Variants in FRMD4B observed in about 807,000 individuals in gnomAD.
The protein encoded by FRMD4B is FERM domain-containing protein 4B.
FRMD4B carries 74 observed loss-of-function variants against 141.5 expected under a neutral mutation model. That is an observed-to-expected ratio of 0.52 (90% CI 0.43 to 0.63). The LOEUF (loss-of-function observed/expected upper bound fraction) is 0.63. FRMD4B is among the 30% of genes least tolerant of loss of function. The pLI is 0.00. For missense variants in FRMD4B, 1,366 were observed against 1,253.4 expected (o/e 1.09, Z -1.36); for synonymous variants, 506 against 467.9 (o/e 1.08, Z -1.05).
intron 1 of FRMD4B, among the ~76,000 whole-genome samples, chr3:69,445,813 C>T (rs541226084): frequency 1.3e-5 from 2 of 152,122 alleles, no homozygotes; most frequent in South Asian, 4.1e-4. Context: ...TATTAAGCTA[C>T]GTTTGTGTTA....
intron 2 of FRMD4B, among the ~76,000 whole-genome samples, chr3:69,424,351 T>C (rs909545736): frequency 6.6e-6 from 1 of 152,168 alleles, no homozygotes; most frequent in Non-Finnish European, 1.5e-5. Flanking sequence ...TGGAGTGCAG[T>C]GGTGTGATCA....
intron 22 of FRMD4B, among the ~76,000 whole-genome samples, chr3:69,176,274 T>G (rs2092645045): frequency 1.3e-5 from 2 of 152,216 alleles, no homozygotes; most frequent in Non-Finnish European, 2.9e-5. Context: ...GGCCAGATAT[T>G]TTTGGCTTTG....
At chr3:69,389,699 C>T (rs1250708425), upstream of FRMD4B, among the ~76,000 whole-genome samples, 1 of 152,156 alleles carries the variant, frequency 6.6e-6, no homozygotes, top group Non-Finnish European at 1.5e-5. Context: ...ACAACTTCCT[C>T]CACTCCAGGG....
At chr3:69,356,963 T>C (rs1703341994) in intron 1 of FRMD4B, among the ~76,000 whole-genome samples, 1 of 152,208 alleles carries the variant, frequency 6.6e-6, no homozygotes, top group African/African-American at 2.4e-5. Context: ...CAAAACTTTA[T>C]TTGCAAACAA....
chr3:69,202,919 C>A (rs4378970), intron 11 of FRMD4B, among the ~76,000 whole-genome samples: 15,518 of 151,722 alleles, frequency 0.1, 1,009 homozygotes, highest in East Asian at 0.35. Flanking sequence ...CAAGAAATTA[C>A]AACAGGAGGA....
intron 2 of FRMD4B, among the ~76,000 whole-genome samples, chr3:69,414,893 T>G (rs1704827280): frequency 8.1e-6 from 1 of 123,548 alleles, no homozygotes. Flanking sequence ...TGAGATGGAG[T>G]CTCGCTCTGT....
At chr3:69,535,802 C>G (rs892416510) in intron 1 of FRMD4B, 4 of 473,774 alleles carry the variant, frequency 8.4e-6, no homozygotes, top group African/African-American at 8.0e-5. Flanking sequence ...GCAGGAGAAG[C>G]AGCCTTGGTG....
chr3:69,302,252 C>T, intron 4 of FRMD4B, 91 bp downstream of exon 4: 1 of 716,958 alleles, frequency 1.4e-6, no homozygotes, highest in South Asian at 1.6e-5. Context: ...CTCTAATCAC[C>T]AGAAATGTAA....
chr3:69,290,180 G>A (rs139176889), intron 4 of FRMD4B, among the ~76,000 whole-genome samples: 136 of 152,302 alleles, frequency 8.9e-4, no homozygotes, highest in African/African-American at 3.0e-3. Context: ...GATGTCAGGC[G>A]GTGAGGTGGC....
intron 4 of FRMD4B, 31 bp downstream of exon 4, chr3:69,302,312 A>AG: frequency 9.5e-7 from 1 of 1,049,378 alleles, no homozygotes; most frequent in Admixed American, 2.3e-5. Context: ...GCAAAAAAAG[A>AG]GGGATGCTAA....
In FRMD4B at chr3:69,464,779, GA is replaced by G. The variant is rs1397495013; in HGVS notation, c.-128-32019del. On this transcript the variant is annotated intron_variant, in intron 1 of 5. Transcript: ENST00000459638. ...GTCTTCAGAAAACAAAATTGAACCT[GA>G]ATCTTAACAACTATCTCGATCCAAC... Among the ~76,000 whole-genome samples the G allele has an allele frequency of 2.0e-5, 3 of 152,086 alleles. No homozygotes were observed. In the East Asian group the frequency reaches 5.8e-4, roughly 29 times the overall value.
chr3:69,538,835 A>G (rs1182119621), intron 1 of FRMD4B, among the ~76,000 whole-genome samples: 1 of 152,222 alleles, frequency 6.6e-6, no homozygotes, highest in Non-Finnish European at 1.5e-5. Flanking sequence ...AGAAAAAAAA[A>G]TCTTACTGAC....
chr3:69,195,824 A>G (rs935432074), intron 14 of FRMD4B, among the ~76,000 whole-genome samples: 6 of 152,200 alleles, frequency 3.9e-5, no homozygotes, highest in African/African-American at 1.4e-4. Flanking sequence ...AGTTACATAT[A>G]CTTAATGATA....
At chr3:69,324,977 G>T (rs1292918844) in intron 1 of FRMD4B, among the ~76,000 whole-genome samples, 2 of 151,738 alleles carry the variant, frequency 1.3e-5, no homozygotes, top group Admixed American at 6.6e-5. Context: ...TACTTGAGAG[G>T]CTGAGGCAGG....
chr3:69,506,656 C>T (rs1706601876), intron 1 of FRMD4B, among the ~76,000 whole-genome samples: 1 of 152,044 alleles, frequency 6.6e-6, no homozygotes, highest in Non-Finnish European at 1.5e-5. Context: ...CTGCCTCAGC[C>T]TCCTGAGTCT....
intron 11 of FRMD4B, 84 bp from the exon 12 acceptor site, chr3:69,198,858 T>C (rs941050235): frequency 6.3e-5 from 46 of 730,690 alleles, no homozygotes; most frequent in Middle Eastern, 3.1e-4. Flanking sequence ...CAAACAATTA[T>C]AAGCTCCAAG....
chr3:69,354,337 T>G (rs73835804), intron 1 of FRMD4B, among the ~76,000 whole-genome samples: 22 of 152,226 alleles, frequency 1.4e-4, no homozygotes, highest in Middle Eastern at 3.4e-3. Flanking sequence ...AAATAATAAA[T>G]TTACTTTTTT....
At chr3:69,478,085 TC>T (rs1412931295) in intron 1 of FRMD4B, among the ~76,000 whole-genome samples, 4 of 152,196 alleles carry the variant, frequency 2.6e-5, no homozygotes, top group African/African-American at 9.6e-5. Flanking sequence ...TCTATTTGAT[TC>T]TTCTCTCTTT....
At chr3:69,480,349 T>C (rs952691864) in intron 1 of FRMD4B, among the ~76,000 whole-genome samples, 2 of 152,180 alleles carry the variant, frequency 1.3e-5, no homozygotes, top group African/African-American at 2.4e-5. Flanking sequence ...TATCTACTTT[T>C]GGTCTTTGAA....
Sources: allele counts gnomAD v4.1 joint callset (sites outside exome capture counted in the v4.1 genomes callset), GRCh38; gene constraint gnomAD v4.1.1; transcripts MANE v1.5; gene names NCBI Gene and HGNC (gene_info 2026-07-23, HGNC 2026-07-21).